Variants in CALD1 observed in about 807,000 individuals in gnomAD.
The protein encoded by CALD1 is caldesmon.
CALD1 carries 33 observed loss-of-function variants against 99.9 expected under a neutral mutation model. The ratio of observed to expected loss-of-function variants is 0.33; its 90% CI spans 0.25 to 0.44. CALD1 has a LOEUF of 0.44. CALD1 is among the 20% of genes least tolerant of loss of function. The pLI is 1.00. For missense variants in CALD1, 861 were observed against 962.1 expected, an observed-to-expected ratio of 0.89 and a Z score of 1.39; for synonymous variants, 310 against 325.0, an observed-to-expected ratio of 0.95 and a Z score of 0.50.
At chr7:134,749,236 A>T (rs1254253344) in intron 1 of CALD1, among the ~76,000 whole-genome samples, 1 of 152,206 alleles carries the variant, frequency 6.6e-6, no homozygotes, top group Admixed American at 6.5e-5. Flanking sequence ...AAAGGGACTT[A>T]TTTGTTTGTC....
chr7:134,772,988 A>G (rs1796888266), intron 1 of CALD1, among the ~76,000 whole-genome samples: 1 of 152,224 alleles, frequency 6.6e-6, no homozygotes, highest in Non-Finnish European at 1.5e-5. Flanking sequence ...ACTCCAAAGT[A>G]TTATTCCCCC....
At chr7:134,891,745 TA>T (rs10607357) in intron 3 of CALD1, 116,425 of 421,916 alleles carry the variant, frequency 0.28, 7,080 homozygotes, top group Non-Finnish European at 0.3. Flanking sequence ...CGAATTGTTG[TA>T]AAAAAAAAAA....
rs148216908 is a variant in CALD1 at position 134,966,897 on chromosome 7, A to G, written c.2377-1443A>G. Among the ~76,000 whole-genome samples the G allele has an allele frequency of 9.5e-4, 145 of 152,068 alleles. 3 individuals are homozygous for G. Among genetic ancestry groups the G allele is most frequent in the African/African-American group, 3.4e-3 (143 of 41,492 alleles). ...CATGCAATGTAAATAGCCCAAACCCATGGAATGGTTCCCAGGAAGACATTC... is the reference window on the plus strand; with the variant it reads ...CATGCAATGTAAATAGCCCAAACCCGTGGAATGGTTCCCAGGAAGACATTC... On this transcript the variant is annotated intron_variant, in intron 14 of 14. Transcript: ENST00000361675.
chr7:134,895,137 ATAAT>A (rs1468734219), intron 3 of CALD1, among the ~76,000 whole-genome samples: 5 of 145,732 alleles, frequency 3.4e-5, no homozygotes, highest in Non-Finnish European at 7.6e-5. Context: ...AAATAAATAA[ATAAT>A]TGGCACAATT....
intron 1 of CALD1, among the ~76,000 whole-genome samples, chr7:134,794,005 A>G (rs1563006051): frequency 6.6e-6 from 1 of 151,978 alleles, no homozygotes; most frequent in African/African-American, 2.4e-5. Context: ...TCTTTTGGGT[A>G]CAGACTGGAC....
chr7:134,914,418 G>T (rs1423917525), intron 3 of CALD1, among the ~76,000 whole-genome samples: 1 of 152,254 alleles, frequency 6.6e-6, no homozygotes, highest in Non-Finnish European at 1.5e-5. Context: ...TTATTTCTTG[G>T]GGAAAGCTGC....
intron 1 of CALD1, among the ~76,000 whole-genome samples, chr7:134,802,892 T>C (rs1237351789): frequency 6.6e-6 from 1 of 152,254 alleles, no homozygotes; most frequent in Non-Finnish European, 1.5e-5. Flanking sequence ...CACAAGTTTT[T>C]ATTTCTTTTG....
intron 1 of CALD1, among the ~76,000 whole-genome samples, chr7:134,820,016 A>G (rs1798711913): frequency 1.3e-5 from 2 of 152,234 alleles, no homozygotes. Context: ...TCTAATGAAA[A>G]TCAGGCATGG....
At chr7:134,950,663 C>T in intron 9 of CALD1, 149 bp downstream of exon 9, 1 of 665,410 alleles carries the variant, frequency 1.5e-6, no homozygotes, top group Non-Finnish European at 2.5e-6. Context: ...TAACAAAATA[C>T]TTTAGACTGG....
At chr7:134,947,413 T>C in intron 7 of CALD1, 95 bp from the exon 8 acceptor site, 18 of 1,280,958 alleles carry the variant, frequency 1.4e-5, no homozygotes, top group Non-Finnish European at 1.9e-5. Context: ...GGGTATTTAG[T>C]CGGGGATGCA....
upstream of CALD1, among the ~76,000 whole-genome samples, chr7:134,776,817 T>C (rs149980320): frequency 5.3e-3 from 812 of 152,330 alleles, 5 homozygotes; most frequent in African/African-American, 0.018. Context: ...TGGCCTATTT[T>C]TACTTTTCCC....
At chr7:134,792,014 C>G (rs574162362) in intron 1 of CALD1, among the ~76,000 whole-genome samples, 1 of 152,314 alleles carries the variant, frequency 6.6e-6, no homozygotes, top group South Asian at 2.1e-4. Context: ...TCCACCTGGC[C>G]CTGCCCTTGA....
At chr7:134,891,693 CTT>C (rs910008481) in intron 3 of CALD1, 2 of 1,493,986 alleles carry the variant, frequency 1.3e-6, no homozygotes, top group African/African-American at 2.9e-5. Context: ...CATTTCGTCT[CTT>C]TGGTTTTTTC....
intron 1 of CALD1, among the ~76,000 whole-genome samples, chr7:134,838,612 T>C (rs745931362): frequency 6.6e-6 from 1 of 152,248 alleles, no homozygotes; most frequent in Non-Finnish European, 1.5e-5. Flanking sequence ...AAAATACATA[T>C]ATGGAAAGTT....
At chr7:134,727,117 G>A in the CALD1 span, among the ~76,000 whole-genome samples, 3 of 152,206 alleles carry the variant, frequency 2.0e-5, no homozygotes, top group Non-Finnish European at 4.4e-5. Flanking sequence ...TGGGAAGCAA[G>A]TTTTGCCTCT....
chr7:134,738,661 G>A, the CALD1 span, among the ~76,000 whole-genome samples: 2 of 152,044 alleles, frequency 1.3e-5, no homozygotes, highest in South Asian at 2.1e-4. Context: ...ACTGTCAGAT[G>A]GATCCTCAAC....
chr7:134,825,903 T>A (rs1368350967), intron 1 of CALD1, among the ~76,000 whole-genome samples: 1 of 152,120 alleles, frequency 6.6e-6, no homozygotes, highest in Non-Finnish European at 1.5e-5. Context: ...TCTCAATGTC[T>A]CAGGCTATGT....
chr7:134,864,287 C>T (rs535626465), intron 2 of CALD1, among the ~76,000 whole-genome samples: 2 of 146,286 alleles, frequency 1.4e-5, no homozygotes, highest in African/African-American at 5.1e-5. Flanking sequence ...GCAAAGGCTG[C>T]AGTGAGCCGA....
chr7:134,735,851 G>A, the CALD1 span, among the ~76,000 whole-genome samples: 100,708 of 151,908 alleles, frequency 0.66, 33,911 homozygotes, highest in East Asian at 0.89. Context: ...CACTTTATAA[G>A]GAGTTTGATA....
Sources: gnomAD v4.1 joint callset for allele counts (sites outside exome capture counted in the v4.1 genomes callset) on GRCh38, gnomAD v4.1.1 for gene constraint, MANE v1.5 for transcripts, NCBI Gene and HGNC (gene_info 2026-07-23, HGNC 2026-07-21) for gene names.